Variants in NRXN3 observed in about 807,000 individuals in gnomAD.
The protein encoded by NRXN3 is neurexin III.
In NRXN3, 32 loss-of-function variants were observed where a neutral mutation model predicts 137.6. That is an observed-to-expected ratio of 0.23 (90% CI 0.18 to 0.31). NRXN3 has a LOEUF of 0.31. NRXN3 is among the 10% of genes least tolerant of loss of function. NRXN3 has a pLI of 1.00. For synonymous variants in NRXN3, 798 were observed against 784.5 expected, an observed-to-expected ratio of 1.02 and a Z score of -0.29; for missense variants, 1,574 against 2,062.5, an observed-to-expected ratio of 0.76 and a Z score of 4.59.
At chr14:79,677,080 T>G (rs2098644703) in intron 17 of NRXN3, among the ~76,000 whole-genome samples, 1 of 152,096 alleles carries the variant, frequency 6.6e-6, no homozygotes, top group Non-Finnish European at 1.5e-5. Flanking sequence ...ATAAATACTT[T>G]TATAACAAAA....
chr14:78,506,885 T>C (rs1266602287), intron 4 of NRXN3, among the ~76,000 whole-genome samples: 1 of 152,082 alleles, frequency 6.6e-6, no homozygotes, highest in Admixed American at 6.6e-5. Flanking sequence ...ATGTTGATCA[T>C]CTTGTATATA....
intron 11 of NRXN3, among the ~76,000 whole-genome samples, chr14:78,961,314 G>T (rs1477596107): frequency 1.3e-5 from 2 of 151,978 alleles, no homozygotes; most frequent in Non-Finnish European, 2.9e-5. Context: ...TGTGGAAATG[G>T]TGAGGACCCA....
intron 2 of NRXN3, among the ~76,000 whole-genome samples, chr14:78,266,807 C>T (rs2071826430): frequency 1.3e-5 from 2 of 152,074 alleles, no homozygotes; most frequent in South Asian, 4.2e-4. Context: ...AGAAATCAAC[C>T]TTGCTTATTT....
chr14:79,283,528 T>G (rs969113444), intron 15 of NRXN3, among the ~76,000 whole-genome samples: 1 of 152,116 alleles, frequency 6.6e-6, no homozygotes, highest in African/African-American at 2.4e-5. Flanking sequence ...TTTAGAAAAT[T>G]GGTTATATTA....
rs1019696081 is a variant in NRXN3, at chr14:79,149,147, C to T, written c.3262+161006C>T. Among the ~76,000 whole-genome samples, 4 of 152,188 alleles carry T rather than the reference C, an allele frequency of 2.6e-5. No homozygotes were observed. In the South Asian group the frequency reaches 8.3e-4, roughly 32 times the overall value. ...AATTCTCATAAAAATCTTGGGAGAT[C>T]AGCAACACAAGAACTGGTAGGAAAC... is the stretch of plus-strand genomic sequence containing the variant. On this transcript the variant is annotated intron_variant, in intron 15 of 20. Transcript: ENST00000335750.
At chr14:78,353,077 A>G (rs2083776884) in intron 4 of NRXN3, among the ~76,000 whole-genome samples, 1 of 152,210 alleles carries the variant, frequency 6.6e-6, no homozygotes, top group African/African-American at 2.4e-5. Flanking sequence ...TAGGACTAGA[A>G]GGACATGCCA....
intron 4 of NRXN3, among the ~76,000 whole-genome samples, chr14:78,370,597 G>T (rs1377467585): frequency 2.0e-5 from 3 of 152,094 alleles, no homozygotes; most frequent in Non-Finnish European, 4.4e-5. Flanking sequence ...AGTGTCTCTT[G>T]ACTGAATGAA....
intron 4 of NRXN3, among the ~76,000 whole-genome samples, chr14:78,588,948 C>G (rs111244096): frequency 6.6e-6 from 1 of 152,114 alleles, no homozygotes; most frequent in Non-Finnish European, 1.5e-5. Context: ...AAACACTCAA[C>G]GACAACTTCA....
Position 79,283,402 on chromosome 14 carries a change from C to G in NRXN3, c.3263-183819C>G, listed in dbSNP as rs181989761. 5.3e-5 allele frequency among the ~76,000 whole-genome samples: 8 copies of G among 152,230 alleles called. No individual in the cohort carries two copies. The East Asian group carries it at 1.4e-3, about 26-fold the overall frequency. Reference sequence around the variant, plus strand: ...TGTTCATCAGTTGGTGCTCCCACCCCCTTTCTCTACTATCCAGACCTATAG... The same window carrying G: ...TGTTCATCAGTTGGTGCTCCCACCCGCTTTCTCTACTATCCAGACCTATAG... On this transcript the variant is annotated intron_variant, in intron 15 of 20. Coordinates refer to ENST00000335750, the MANE Select transcript of NRXN3 (RefSeq NM_001330195.2).
chr14:79,255,087 T>C (rs2076407583), intron 15 of NRXN3, among the ~76,000 whole-genome samples: 1 of 152,216 alleles, frequency 6.6e-6, no homozygotes, highest in Non-Finnish European at 1.5e-5. Context: ...GACGACACAA[T>C]GACTTCTTCT....
intron 4 of NRXN3, among the ~76,000 whole-genome samples, chr14:78,603,168 C>T (rs1380908867): frequency 6.6e-6 from 1 of 152,172 alleles, no homozygotes; most frequent in Non-Finnish European, 1.5e-5. Context: ...TTCCCTTTCC[C>T]TTTCCCCAGG....
At chr14:78,465,318 C>A in intron 4 of NRXN3, among the ~76,000 whole-genome samples, 1 of 151,964 alleles carries the variant, frequency 6.6e-6, no homozygotes, top group East Asian at 1.9e-4. Flanking sequence ...TTATGGAAAC[C>A]AGATGGATTG....
intron 10 of NRXN3, among the ~76,000 whole-genome samples, chr14:78,947,958 C>A (rs367788384): frequency 6.6e-6 from 1 of 152,300 alleles, no homozygotes; most frequent in Non-Finnish European, 1.5e-5. Flanking sequence ...GGTCACTTAA[C>A]CTCTTAATCT....
chr14:78,594,921 G>A (rs1027561998), intron 4 of NRXN3, among the ~76,000 whole-genome samples: 1 of 152,218 alleles, frequency 6.6e-6, no homozygotes, highest in Non-Finnish European at 1.5e-5. Flanking sequence ...CCACATCTTT[G>A]AGTTAATAAA....
chr14:79,732,810 C>G (rs979758900), intron 19 of NRXN3, among the ~76,000 whole-genome samples: 2 of 152,106 alleles, frequency 1.3e-5, no homozygotes, highest in African/African-American at 4.8e-5. Flanking sequence ...ATTTCTTTCA[C>G]TTTCTATAGC....
intron 15 of NRXN3, among the ~76,000 whole-genome samples, chr14:79,225,756 C>T (rs1444201262): frequency 6.6e-6 from 1 of 152,084 alleles, no homozygotes; most frequent in African/African-American, 2.4e-5. Flanking sequence ...GTCTCTGAGG[C>T]AAATGTTTTC....
chr14:78,503,590 G>C (rs1172682178), intron 4 of NRXN3, among the ~76,000 whole-genome samples: 4 of 152,138 alleles, frequency 2.6e-5, no homozygotes, highest in Non-Finnish European at 5.9e-5. Flanking sequence ...TAAGCTTTGA[G>C]GTATGTGTAG....
intron 2 of NRXN3, among the ~76,000 whole-genome samples, chr14:78,276,416 G>A (rs899888379): frequency 1.3e-5 from 2 of 152,178 alleles, no homozygotes; most frequent in East Asian, 3.9e-4. Flanking sequence ...GGTGTTTCCA[G>A]TGAGCCATCT....
chr14:79,501,000 C>A (rs1021577047), intron 16 of NRXN3, among the ~76,000 whole-genome samples: 1 of 152,052 alleles, frequency 6.6e-6, no homozygotes, highest in East Asian at 1.9e-4. Flanking sequence ...CACAACATTT[C>A]TCATACTTGC....
Sources: gnomAD v4.1 joint callset for allele counts (sites outside exome capture counted in the v4.1 genomes callset) on GRCh38, gnomAD v4.1.1 for gene constraint, MANE v1.5 for transcripts, NCBI Gene and HGNC (gene_info 2026-07-23, HGNC 2026-07-21) for gene names.